LRPPRC: variants seen among roughly 807,000 people sequenced by gnomAD.
The protein encoded by LRPPRC is leucine rich pentatricopeptide repeat containing.
In LRPPRC, 120 loss-of-function variants were observed where a neutral mutation model predicts 180.3. That is an observed-to-expected ratio of 0.67 (90% CI 0.57 to 0.77). The LOEUF (loss-of-function observed/expected upper bound fraction) is 0.77, where lower values mean the gene tolerates loss of function less well. LRPPRC is among the 30% of genes least tolerant of loss of function. LRPPRC has a pLI of 0.00. For missense variants in LRPPRC, 2,012 were observed against 1,657.2 expected, an observed-to-expected ratio of 1.21 and a Z score of -3.72; for synonymous variants, 723 against 600.0, an observed-to-expected ratio of 1.21 and a Z score of -3.00.
At chr2:43,902,809 T>A (rs1457689610) in intron 31 of LRPPRC, 1 of 152,154 alleles carries the variant, frequency 6.6e-6, no homozygotes, top group Non-Finnish European at 1.5e-5. Context: ...TATTGTCAGC[T>A]AGGGAGGCTC....
intron 27 of LRPPRC, among the ~76,000 whole-genome samples, chr2:43,924,216 T>C (rs1468625840): frequency 1.3e-5 from 2 of 152,094 alleles, no homozygotes; most frequent in Admixed American, 1.3e-4. Flanking sequence ...TAGATAAACA[T>C]CCATGAAACA....
chr2:43,956,477 AC>A (rs1427017034), intron 14 of LRPPRC, among the ~76,000 whole-genome samples: 2 of 83,876 alleles, frequency 2.4e-5, no homozygotes, highest in Non-Finnish European at 4.4e-5. Flanking sequence ...AAAGAAAAAA[AC>A]GTGTGTGTGT....
At chr2:43,910,423 T>TG (rs1671215369) in intron 30 of LRPPRC, among the ~76,000 whole-genome samples, 1 of 151,990 alleles carries the variant, frequency 6.6e-6, no homozygotes, top group Non-Finnish European at 1.5e-5. Flanking sequence ...TTAGTAGAGA[T>TG]GGGGTTTCAC....
chr2:43,918,293 C>T lies in LRPPRC; in HGVS notation c.3002G>A (p.Arg1001Lys), dbSNP rs537954874. ...KTLRLLAEIL[R>K]EGNQEVPFDV... ...AAACGGAACTTCCTGGTTACCCTCT[C>T]TAAGGATTTCTGCTAATAATCTTAA... The change falls in exon 28 of 38, where the codon AGA (arginine) becomes AAA (lysine). Residue 1001 changes from arginine (R) to lysine (K), a missense_variant. Arg to Lys is a conservative substitution (Grantham distance 26). Transcript: ENST00000260665. 15 of 1,612,746 alleles carry T rather than the reference C, an allele frequency of 9.3e-6. No individual in the cohort carries two copies. Among genetic ancestry groups the T allele is most frequent in the Non-Finnish European group, 1.3e-5 (15 of 1,178,814 alleles).
chr2:43,976,610 C>G (rs1006606588), intron 5 of LRPPRC, among the ~76,000 whole-genome samples: 2 of 151,102 alleles, frequency 1.3e-5, no homozygotes, highest in African/African-American at 4.9e-5. Flanking sequence ...ATAAATTTTA[C>G]ATAAGCAGAG....
chr2:43,938,183 T>C (rs1481024487), intron 23 of LRPPRC, among the ~76,000 whole-genome samples: 1 of 142,116 alleles, frequency 7.0e-6, no homozygotes, highest in Non-Finnish European at 1.5e-5. Flanking sequence ...CTATTACCCT[T>C]TATAAAAAAA....
Position 43,943,838 on chromosome 2 carries a change from T to C in LRPPRC, c.2353A>G (p.Thr785Ala). Residue 785 changes from threonine to alanine, a missense_variant, in exon 23 of 38, where the codon ACA becomes GCA. By Grantham distance (58) the Thr-to-Ala change is moderately conservative. Coordinates refer to ENST00000260665, the MANE Select transcript of LRPPRC (RefSeq NM_133259.4). Reference sequence around the variant, plus strand: ...AGCATGTGGAAAAAGGACAAGGCTGTTGTATCTTTGATAAGAACATCCTTC... The same window carrying C: ...AGCATGTGGAAAAAGGACAAGGCTGCTGTATCTTTGATAAGAACATCCTTC... The part of the protein sequence containing the change: ...KEKDVLIKDT[T>A]ALSFFHMLNG... 1 of 1,613,374 alleles carries C rather than the reference T, an allele frequency of 6.2e-7. No individual in the cohort carries two copies. Among genetic ancestry groups the C allele is most frequent in the Non-Finnish European group, 8.5e-7 (1 of 1,179,388 alleles).
chr2:43,973,959 CTGCAA>C, intron 9 of LRPPRC, 59 bp from the exon 10 acceptor site: 1 of 1,174,478 alleles, frequency 8.5e-7, no homozygotes, highest in Admixed American at 1.7e-5. Context: ...GTTTGACCTG[CTGCAA>C]ATATTCTACC....
At chr2:43,900,277 A>G (rs1670838370) in intron 32 of LRPPRC, among the ~76,000 whole-genome samples, 1 of 152,132 alleles carries the variant, frequency 6.6e-6, no homozygotes, top group Admixed American at 6.5e-5. Context: ...CTCTATGACT[A>G]TCTTTTTGGT....
At chr2:43,975,452 C>A (rs574633235) in intron 6 of LRPPRC, among the ~76,000 whole-genome samples, 5 of 152,178 alleles carry the variant, frequency 3.3e-5, no homozygotes, top group African/African-American at 7.2e-5. Flanking sequence ...AAATAACATA[C>A]CCTCTTAATA....
At chr2:43,920,464 C>A (rs375226229) in intron 27 of LRPPRC, among the ~76,000 whole-genome samples, 2 of 152,080 alleles carry the variant, frequency 1.3e-5, no homozygotes, top group African/African-American at 2.4e-5. Context: ...CAGACTACAT[C>A]GCAAGGAGGC....
At chr2:43,937,347 A>T (rs569855296) in intron 23 of LRPPRC, among the ~76,000 whole-genome samples, 225 of 152,276 alleles carry the variant, frequency 1.5e-3, no homozygotes, top group African/African-American at 5.3e-3. Context: ...TGTACTGGAG[A>T]TAAAAACAAA....
intron 27 of LRPPRC, among the ~76,000 whole-genome samples, chr2:43,918,796 T>TCTCTATATATAGAGATATATATATAG (rs1671578231): frequency 2.9e-5 from 1 of 34,964 alleles, no homozygotes; most frequent in Non-Finnish European, 4.1e-5. Context: ...TATATAGATA[T>TCTCTATATATAGAGATATATATATAG]ATATATATAT....
In LRPPRC at chr2:43,982,246, C is replaced by T; in HGVS notation, c.338G>A (p.Cys113Tyr). 4 of 1,567,938 alleles carry T rather than the reference C, an allele frequency of 2.6e-6. No homozygotes were observed. Among genetic ancestry groups the T allele is most frequent in the Non-Finnish European group, 3.4e-6 (4 of 1,160,454 alleles). The change falls in exon 2 of 38, where the codon TGC becomes TAC. Residue 113 changes from cysteine to tyrosine, a missense_variant. By Grantham distance (194) the Cys-to-Tyr change is radical. Transcript: ENST00000260665. ...KLLQKVFNDT[C>Y]RSGGLGGSHA... ...AGGAAATTTTGAAATACCTGAGCGG[C>T]AGGTATCATTAAAAACTTTTTGTAG...
In LRPPRC at chr2:43,948,185, A is replaced by G. The variant is rs2103617234; in HGVS notation, c.1857T>C (p.Pro619=). 1 of 1,599,786 alleles carries G rather than the reference A, an allele frequency of 6.3e-7. No individual in the cohort carries two copies. Among genetic ancestry groups the G allele is most frequent in the Non-Finnish European group, 8.6e-7 (1 of 1,167,026 alleles). ...HQLEKMNVKI[P]ENIYRGIRNL... The stretch of plus-strand genomic sequence containing the variant: ...TACGAATGCCTCTGTAGATATTTTC[A>G]GGAATTTTTACATTCTGTGAGAAGG... The change falls in exon 18 of 38, where the codon CCT becomes CCC. Residue 619 remains proline, a synonymous_variant. Transcript: ENST00000260665.
chr2:43,938,234 A>C (rs553775551), intron 23 of LRPPRC, among the ~76,000 whole-genome samples: 1 of 152,192 alleles, frequency 6.6e-6, no homozygotes, highest in East Asian at 1.9e-4. Flanking sequence ...TAGACTACAT[A>C]ATTTTCATGC....
In LRPPRC at chr2:43,901,522, C is replaced by A; in HGVS notation, c.3367G>T (p.Ala1123Ser). 6.2e-7 allele frequency: 1 copy of A among 1,608,224 alleles called. No individual in the cohort carries two copies. Among genetic ancestry groups the A allele is most frequent in the Non-Finnish European group, 8.5e-7 (1 of 1,174,620 alleles). ...AATACTGTTTTCAGTGTTGTCACAG[C>A]CTCTAAAATACAAGAGCAGGAGATG... ...TQVRRDYLKE[A>S]VTTLKTVLDQ... The change falls in exon 32 of 38, where the codon GCT becomes TCT. Residue 1123 changes from alanine (A) to serine (S), a missense_variant and splice_region_variant. Physicochemically the swap from Ala to Ser is moderately conservative, Grantham distance 99 (BLOSUM62 1). Coordinates refer to ENST00000260665, the MANE Select transcript of LRPPRC (RefSeq NM_133259.4).
intron 29 of LRPPRC, 94 bp from the exon 30 acceptor site, chr2:43,912,652 T>C: frequency 2.8e-6 from 3 of 1,070,250 alleles, no homozygotes; most frequent in South Asian, 1.3e-5. Flanking sequence ...TAAACCCAAA[T>C]ATTTTTGCTT....
chr2:43,995,768 G>C (rs1224638212), intron 1 of LRPPRC, 31 bp downstream of exon 1: 5 of 1,348,752 alleles, frequency 3.7e-6, no homozygotes, highest in South Asian at 1.9e-5. Context: ...TGGCGCCGCA[G>C]CTTGCCTGGA....
Sources: gnomAD v4.1 joint callset for allele counts (sites outside exome capture counted in the v4.1 genomes callset) on GRCh38, gnomAD v4.1.1 for gene constraint, MANE v1.5 for transcripts, NCBI Gene and HGNC (gene_info 2026-07-23, HGNC 2026-07-21) for gene names.